The following CASTOR1 variants were observed in gnomAD, a reference collection of about 807,000 sequenced individuals.
CASTOR1 encodes the protein cytosolic arginine sensor for mTORC1 subunit 1.
CASTOR1 carries 18 observed loss-of-function variants against 33.7 expected under a neutral mutation model. The ratio of observed to expected loss-of-function variants is 0.53; its 90% confidence interval spans 0.37 to 0.79. CASTOR1 has a LOEUF of 0.79. Ranked by LOEUF, CASTOR1 falls within the 30% of genes least tolerant of loss-of-function variation. The pLI is 0.00. For missense variants in CASTOR1, 362 were observed against 446.3 expected (o/e 0.81, Z 1.70); for synonymous variants, 175 against 190.6 (o/e 0.92, Z 0.67).
rs767011073 is a variant in CASTOR1, at chr22:30,287,196, G to A, written c.464C>T (p.Thr155Met). ...REVGGEPVPV[T>M]RDDSSNGFPR... ...AAAGCCATTGCTGGAATCATCCCTC[G>A]TCACAGGCACAGGCTCTCCGCCCAC... Residue 155 changes from threonine to methionine, a missense_variant, in exon 4 of 9, where the codon ACG becomes ATG. By Grantham distance (81) the Thr-to-Met change is moderately conservative. Coordinates refer to ENST00000407689, the MANE Select transcript of CASTOR1 (RefSeq NM_001037666.3). 1.1e-5 allele frequency: 17 copies of A among 1,610,454 alleles called. No homozygotes were observed. The highest frequency in any genetic ancestry group is 4.4e-5 in the South Asian group (4 of 90,798).
chr22:30,288,100 G>A, intron 2 of CASTOR1: 1 of 350,096 alleles, frequency 2.9e-6, no homozygotes, highest in Non-Finnish European at 5.6e-6. Flanking sequence ...CTGTGAGGAT[G>A]GGCAGGGCCA....
In CASTOR1 at chr22:30,289,269, A is replaced by G. The variant is rs974404402; in HGVS notation, c.113+116T>C. The stretch of plus-strand genomic sequence containing the variant: ...CGGCCGGACGGGGAGAGTCCTCCCC[A>G]CCCGCTCCCGCCCGCCTGCCTGCCT... On this transcript the variant is annotated intron_variant, in intron 1 of 8. Transcript: ENST00000407689. 5 of 808,298 alleles carry G rather than the reference A, an allele frequency of 6.2e-6. No individual in the cohort carries two copies. In the East Asian group the frequency reaches 1.5e-4, roughly 24 times the overall value. The allele number at this position is 808,298 out of a possible 1,614,324, so 50.1% of individuals were successfully genotyped here.
rs1221366822 is a variant in CASTOR1, at chr22:30,285,897, C to T, written c.856G>A (p.Gly286Ser). The change falls in exon 8 of 9, where the codon GGT (glycine) becomes AGT (serine). Residue 286 changes from glycine (G) to serine (S), a missense_variant. By Grantham distance (56) the Gly-to-Ser change is moderately conservative. Transcript: ENST00000407689. ...GAGATGTCAGCGGCAGCCAGGGGAC[C>T]TGCAATCTGTGCCACGATGCCACAT... The part of the protein sequence containing the change: ...DECGIVAQIA[G>S]PLAAADISAY... 1 of 1,609,600 alleles carries T rather than the reference C, an allele frequency of 6.2e-7. No individual in the cohort carries two copies. The highest frequency in any genetic ancestry group is 8.5e-7 in the Non-Finnish European group (1 of 1,178,464).
At chr22:30,288,289 T>C (rs982819360) in intron 2 of CASTOR1, among the ~76,000 whole-genome samples, 1 of 151,902 alleles carries the variant, frequency 6.6e-6, no homozygotes, top group East Asian at 1.9e-4. Context: ...CTCAGACTCC[T>C]GGAGTTTCCA....
chr22:30,289,263 C>A, intron 1 of CASTOR1, 122 bp downstream of exon 1: 1 of 778,704 alleles, frequency 1.3e-6, no homozygotes, highest in Non-Finnish European at 2.1e-6. Flanking sequence ...GGGGAGAGTC[C>A]TCCCCACCCG....
chr22:30,289,206 A>T, intron 1 of CASTOR1, 179 bp downstream of exon 1: 1 of 596,646 alleles, frequency 1.7e-6, no homozygotes, highest in Admixed American at 3.0e-5. Context: ...AGGGGGCCTC[A>T]CGGGGCCGGA....
chr22:30,287,573 G>T lies in CASTOR1; in HGVS notation c.185-13C>A. 1.2e-6 allele frequency: 2 copies of T among 1,601,738 alleles called. No individual in the cohort carries two copies. Among genetic ancestry groups the T allele is most frequent in the Non-Finnish European group, 1.7e-6 (2 of 1,174,530 alleles). ...GATGGGGGCAGCTCTGTGGGCAGGG[G>T]ACATGTCAGGTCAGGGTCTACAAGG... is the stretch of plus-strand genomic sequence containing the variant. On this transcript the variant is annotated splice_polypyrimidine_tract_variant and intron_variant, in intron 2 of 8. Transcript: ENST00000407689.
chr22:30,287,075 C>T (rs762565396), intron 4 of CASTOR1, 80 bp downstream of exon 4: 4 of 1,550,986 alleles, frequency 2.6e-6, no homozygotes, highest in Middle Eastern at 3.5e-4. Flanking sequence ...TCCTCCTGCC[C>T]CACTGGGGCC....
In CASTOR1 at chr22:30,286,936, G is replaced by A. The variant is rs773797881; in HGVS notation, c.518C>T (p.Thr173Met). Residue 173 changes from threonine (T) to methionine (M), a missense_variant, in exon 5 of 9, where the codon ACG (threonine) becomes ATG (methionine). Physicochemically the swap from Thr to Met is moderately conservative, Grantham distance 81 (BLOSUM62 -1). Transcript: ENST00000407689. ...FPRTQHGPSP[T>M]VHPIQSPQNR... is the part of the protein sequence containing the mutation. Reference sequence around the variant, plus strand: ...CTGTGGGCTCTGGATGGGATGCACCGTGGGGCTGGGCCCTGCTGGAGGACA... The same window carrying A: ...CTGTGGGCTCTGGATGGGATGCACCATGGGGCTGGGCCCTGCTGGAGGACA... 1.4e-5 allele frequency: 23 copies of A among 1,612,864 alleles called. No individual in the cohort carries two copies. The highest frequency in any genetic ancestry group is 1.7e-5 in the Non-Finnish European group (20 of 1,179,174).
chr22:30,288,553 C>G (rs186138370), intron 2 of CASTOR1, among the ~76,000 whole-genome samples, 153 bp downstream of exon 2: 74 of 151,972 alleles, frequency 4.9e-4, no homozygotes, highest in Middle Eastern at 3.4e-3. Flanking sequence ...CAAGGGCACA[C>G]AGCCAGGGAG....
At chr22:30,287,902 C>A (rs1186239380) in intron 2 of CASTOR1, 2 of 531,052 alleles carry the variant, frequency 3.8e-6, no homozygotes, top group African/African-American at 1.9e-5. Flanking sequence ...ACTACGGTGT[C>A]TTCTGTGGGT....
chr22:30,285,703 G>C lies in CASTOR1; in HGVS notation c.922-15C>G, dbSNP rs763313756. ...TCCTCGGGCACCTGAGGGCAGGTGG[G>C]CAGGAGGGAAGGGTCAAGGCGGAAG... is the stretch of plus-strand genomic sequence containing the variant. On this transcript the variant is annotated splice_polypyrimidine_tract_variant and intron_variant, in intron 8 of 8. Coordinates refer to ENST00000407689, the MANE Select transcript of CASTOR1 (RefSeq NM_001037666.3). The C allele has an allele frequency of 7.7e-6, 12 of 1,555,570 alleles. No homozygotes were observed. Among genetic ancestry groups the C allele is most frequent in the Non-Finnish European group, 8.7e-6 (10 of 1,149,720 alleles).
At chr22:30,287,733 T>C (rs2145753606) in intron 2 of CASTOR1, 173 bp from the exon 3 acceptor site, 1 of 726,104 alleles carries the variant, frequency 1.4e-6, no homozygotes. Context: ...CTTCAAGTGC[T>C]GGCCTGGTGG....
At position 30,286,334 on chromosome 22, in the gene CASTOR1, G is replaced by A. The variant is rs754087927; in HGVS notation, c.672C>T (p.Ser224=). 2 of 1,614,122 alleles carry A rather than the reference G, an allele frequency of 1.2e-6. No individual in the cohort carries two copies. Among genetic ancestry groups the A allele is most frequent in the South Asian group, 2.2e-5 (2 of 91,084 alleles). The change falls in exon 6 of 9, where the codon TCC becomes TCT. Residue 224 remains serine, a synonymous_variant. Transcript: ENST00000407689. ...EAASSSPEPS[S]ITFFAFSLIE... ...TGAGGGAGAAGGCAAAGAACGTGAT[G>A]GAGCTGGGTTCAGGACTGCTAGAGG...
Position 30,287,277 on chromosome 22 carries a change from T to C in CASTOR1, c.383A>G (p.Gln128Arg). 1 of 1,574,094 alleles carries C rather than the reference T, an allele frequency of 6.4e-7. No homozygotes were observed. Residue 128 changes from glutamine to arginine, a missense_variant, in exon 4 of 9, where the codon CAG (glutamine) becomes CGG (arginine). Gln to Arg is a conservative substitution (Grantham distance 43). Coordinates refer to ENST00000407689, the MANE Select transcript of CASTOR1 (RefSeq NM_001037666.3). ...YQTDFILVRE[Q>R]DLSVVIHTLA... ...CGTGTGGATCACCACGGACAGGTCC[T>C]GCTCCCGCACCTGGGCCACAGCAGA...
intron 1 of CASTOR1, 45 bp from the exon 2 acceptor site, chr22:30,288,821 G>C (rs750132299): frequency 1.3e-6 from 2 of 1,533,692 alleles, no homozygotes; most frequent in African/African-American, 2.8e-5. Context: ...TGGAGAACTA[G>C]GGGTCGGGAG....
intron 2 of CASTOR1, chr22:30,288,041 G>T (rs775176797): frequency 1.3e-5 from 5 of 378,028 alleles, no homozygotes; most frequent in Non-Finnish European, 2.6e-5. Context: ...GCCTGCAGTG[G>T]AGCATGGGGA....
rs1387912768 is a variant in CASTOR1 at position 30,285,637 on chromosome 22, C to G, written c.973G>C (p.Glu325Gln). ...CATGGGCCTCAGGAAGCCAGGCCTT[C>G]CTGCCGCCGCTGGAGGACCTCGATG... ...SVIEVLQRRQ[E>Q]GLAS is the part of the protein sequence containing the mutation. The change falls in exon 9 of 9, where the codon GAA (glutamate) becomes CAA (glutamine). Residue 325 changes from glutamate to glutamine, a missense_variant. Coordinates refer to ENST00000407689, the MANE Select transcript of CASTOR1 (RefSeq NM_001037666.3). 1.3e-6 allele frequency: 2 copies of G among 1,567,188 alleles called. No homozygotes were observed.
chr22:30,286,869 TG>T lies in CASTOR1; in HGVS notation c.584del (p.Pro195GlnfsTer8), dbSNP rs762942810. On this transcript the variant is annotated frameshift_variant, in exon 5 of 9. Transcript: ENST00000407689. LOFTEE classifies it high-confidence loss of function. ...CVLTLDPETLPAIATTLIDVL... is the reference protein window; with the variant it reads ...CVLTLDPETLXAIATTLIDVL... ...CATCTATGAGGGTGGTGGCGATGGC[TG>T]GAAGCGTCTCAGGGTCCAGTGTGAG... is the stretch of plus-strand genomic sequence containing the variant. The T allele has an allele frequency of 2.5e-6, 4 of 1,614,188 alleles. No homozygotes were observed. Among genetic ancestry groups the T allele is most frequent in the Non-Finnish European group, 3.4e-6 (4 of 1,180,028 alleles).
Sources: gnomAD v4.1 joint callset for allele counts (sites outside exome capture counted in the v4.1 genomes callset) on GRCh38, gnomAD v4.1.1 for gene constraint, MANE v1.5 for transcripts, NCBI Gene and HGNC (gene_info 2026-07-23, HGNC 2026-07-21) for gene names.